Variants in GPR160 observed in about 807,000 individuals in gnomAD.
GPR160 encodes the protein probable G protein-coupled receptor 160.
GPR160 carries 2 observed loss-of-function variants against 2.6 expected under a neutral mutation model. That is an observed-to-expected ratio of 0.77 (90% CI 0.32 to 2.44). GPR160 has a LOEUF of 2.44. GPR160 is among the 30% of genes most tolerant of loss of function. GPR160 has a pLI of 0.11. For synonymous variants in GPR160, 130 were observed against 132.2 expected, an observed-to-expected ratio of 0.98 and a Z score of 0.12; for missense variants, 351 against 383.6, an observed-to-expected ratio of 0.91 and a Z score of 0.71.
intron 2 of GPR160, chr3:170,057,544 A>G (rs949373413): frequency 1.3e-5 from 2 of 152,380 alleles, no homozygotes; most frequent in East Asian, 3.9e-4. Flanking sequence ...AATTGGGAGA[A>G]TAACTAAGTT....
chr3:170,085,052 G>A lies in GPR160; in HGVS notation c.*63G>A, dbSNP rs142162073. 525 of 876,332 alleles carry A rather than the reference G, an allele frequency of 6.0e-4. 1 individual carries two copies. The highest frequency in any genetic ancestry group is 1.3e-3 in the Admixed American group (39 of 29,758). The allele number at this position is 876,332 out of a possible 1,614,324, so 54.3% of individuals were successfully genotyped here. ...AATTTTATGAACAGAAAGAACTCAG[G>A]ACATATTAAAAAATAAACTGAACTA... On this transcript the variant is annotated 3_prime_UTR_variant, in exon 4 of 4. Transcript: ENST00000355897.
intron 2 of GPR160, among the ~76,000 whole-genome samples, chr3:170,069,611 T>C (rs573569931): frequency 1.3e-5 from 2 of 152,124 alleles, no homozygotes; most frequent in African/African-American, 2.4e-5. Context: ...TATGAAAATT[T>C]TCAAACATAC....
rs373266341 is a variant in GPR160 at position 170,082,995 on chromosome 3, G to T, written c.-68-910G>T. On this transcript the variant is annotated intron_variant, in intron 3 of 3. Coordinates refer to ENST00000355897, the MANE Select transcript of GPR160 (RefSeq NM_014373.3). ...GGGGTTTTTTTTTTTTTTGGTTTTT[G>T]TTTTTGTTTTTTTGCTATTTATAAA... 1.2e-3 allele frequency among the ~76,000 whole-genome samples: 177 copies of T among 144,128 alleles called. 1 individual carries two copies. The highest frequency in any genetic ancestry group is 4.1e-3 in the African/African-American group (162 of 39,586). 94.6% of individuals were successfully genotyped at this position (144,128 alleles called of 152,430 possible).
chr3:170,050,624 C>T (rs1716916713), intron 2 of GPR160, among the ~76,000 whole-genome samples: 1 of 152,154 alleles, frequency 6.6e-6, no homozygotes, highest in African/African-American at 2.4e-5. Flanking sequence ...TCAGTTCCCA[C>T]CTGTAGCCCC....
At chr3:170,045,786 A>G (rs1716695273) in intron 2 of GPR160, among the ~76,000 whole-genome samples, 1 of 152,150 alleles carries the variant, frequency 6.6e-6, no homozygotes, top group Non-Finnish European at 1.5e-5. Context: ...GTTATTAGCC[A>G]GAGCAAACAG....
At chr3:170,057,331 T>G (rs1711697504) in intron 2 of GPR160, 1 of 152,212 alleles carries the variant, frequency 6.6e-6, no homozygotes, top group African/African-American at 2.4e-5. Flanking sequence ...TCATAGCCAG[T>G]GAAGTTTATC....
intron 2 of GPR160, among the ~76,000 whole-genome samples, chr3:170,066,947 GT>G (rs897118770): frequency 2.0e-5 from 3 of 152,062 alleles, no homozygotes; most frequent in Non-Finnish European, 4.4e-5. Flanking sequence ...AAATTTTGGG[GT>G]TTTGCCTATC....
At chr3:170,070,480 A>C (rs1232523724) in intron 2 of GPR160, among the ~76,000 whole-genome samples, 1 of 152,226 alleles carries the variant, frequency 6.6e-6, no homozygotes. Context: ...TTAGTACATC[A>C]GAGGTGGCAA....
chr3:170,055,665 C>T (rs866933080), intron 2 of GPR160, among the ~76,000 whole-genome samples: 10 of 151,820 alleles, frequency 6.6e-5, no homozygotes, highest in South Asian at 6.2e-4. Flanking sequence ...GACGGAGTCT[C>T]GCTCTGTCCC....
At position 170,038,354 on chromosome 3, in the gene GPR160, T is replaced by C. The variant is rs1317456093; in HGVS notation, c.-322+139T>C. On this transcript the variant is annotated intron_variant, in intron 1 of 3. Transcript: ENST00000355897. The surrounding 1 kb of genome is among the most constrained non-coding windows in gnomAD (Gnocchi z 5.3). ...CGCCTGGGAGGGGAAGGAATTTCCT[T>C]TGCAGGAACTCAGGGGCTGGGGGTT... 6.6e-6 allele frequency: 1 copy of C among 152,018 alleles called. No individual in the cohort carries two copies. Among genetic ancestry groups the C allele is most frequent in the Non-Finnish European group, 1.5e-5 (1 of 68,006 alleles). 9.4% of individuals were successfully genotyped at this position (152,018 alleles called of 1,614,324 possible). A position where few individuals can be genotyped will look rare whatever the true frequency, so the allele number is the denominator to read the frequency against.
Position 170,085,039 on chromosome 3 carries a change from A to C in GPR160, c.*50A>C, listed in dbSNP as rs753254990. The C allele has an allele frequency of 4.9e-6, 5 of 1,029,002 alleles. No individual in the cohort carries two copies. In the East Asian group the frequency reaches 1.3e-4, roughly 28 times the overall value. 63.7% of individuals were successfully genotyped at this position (1,029,002 alleles called of 1,614,324 possible). ...GTCATAAGATCATAATTTTATGAAC[A>C]GAAAGAACTCAGGACATATTAAAAA... On this transcript the variant is annotated 3_prime_UTR_variant, in exon 4 of 4. Coordinates refer to ENST00000355897, the MANE Select transcript of GPR160 (RefSeq NM_014373.3).
Position 170,085,131 on chromosome 3 carries a change from C to A in GPR160, c.*142C>A. 1 of 466,532 alleles carries A rather than the reference C, an allele frequency of 2.1e-6. No homozygotes were observed. The allele number at this position is 466,532 out of a possible 1,614,324, so 28.9% of individuals were successfully genotyped here. On this transcript the variant is annotated 3_prime_UTR_variant, in exon 4 of 4. Coordinates refer to ENST00000355897, the MANE Select transcript of GPR160 (RefSeq NM_014373.3). ...ATTTCAGAATGTGTCTTTTGAAGGG[C>A]TATGATACCAGTTATTAAATAGTGT... is the stretch of plus-strand genomic sequence containing the variant.
chr3:170,043,488 C>T (rs1413990283), intron 2 of GPR160, among the ~76,000 whole-genome samples: 2 of 152,136 alleles, frequency 1.3e-5, no homozygotes, highest in African/African-American at 2.4e-5. Context: ...GGCCCACACA[C>T]GTTTTTAATT....
chr3:170,042,535 G>T (rs1394795989), intron 2 of GPR160, among the ~76,000 whole-genome samples: 1 of 151,032 alleles, frequency 6.6e-6, no homozygotes, highest in Non-Finnish European at 1.5e-5. Context: ...CCAAAGAAAA[G>T]AGTTCATGGG....
intron 2 of GPR160, 87 bp downstream of exon 2, chr3:170,039,130 T>A (rs1716335124): frequency 6.6e-6 from 1 of 151,634 alleles, no homozygotes; most frequent in African/African-American, 2.4e-5. Flanking sequence ...GCTCTCAGGA[T>A]TGTTATTGCT....
At chr3:170,064,540 G>T (rs1288516414) in intron 2 of GPR160, among the ~76,000 whole-genome samples, 1 of 95,046 alleles carries the variant, frequency 1.1e-5, no homozygotes, top group African/African-American at 3.4e-5. Context: ...TTTTTTTGAG[G>T]CAGAGTCTCA....
chr3:170,084,962 A>G lies in GPR160; in HGVS notation c.990A>G (p.Glu330=). 1.3e-6 allele frequency: 2 copies of G among 1,564,208 alleles called. No individual in the cohort carries two copies. Among genetic ancestry groups the G allele is most frequent in the East Asian group, 4.5e-5 (2 of 44,528 alleles). Residue 330 remains glutamate, a synonymous_variant, in exon 4 of 4, where the codon GAA becomes GAG. Transcript: ENST00000355897. ...PLTIPNLEQI[E]KPISIMIC is the part of the protein sequence containing the mutation. Reference sequence around the variant, plus strand: ...CAATTCCTAATCTTGAGCAAATTGAAAAGCCTATATCAATAATGATTTGTT... The same window carrying G: ...CAATTCCTAATCTTGAGCAAATTGAGAAGCCTATATCAATAATGATTTGTT...
intron 3 of GPR160, among the ~76,000 whole-genome samples, chr3:170,083,026 C>T (rs568188772): frequency 2.0e-5 from 3 of 148,608 alleles, no homozygotes; most frequent in East Asian, 3.9e-4. Flanking sequence ...ATAAATACTG[C>T]GATTGAGTAG....
In GPR160 at chr3:170,038,218, G is replaced by T. The variant is rs978707021; in HGVS notation, c.-322+3G>T. On this transcript the variant is annotated splice_donor_region_variant and intron_variant, in intron 1 of 3. Transcript: ENST00000355897. This position sits in a 1 kb window ranked among gnomAD's most constrained non-coding sequence, Gnocchi z 5.3. ...AGCCGACAGCCATCGATCCTCGGGT[G>T]AGTGCGGGCGCAGGTGGAGGGCGCC... 6.6e-6 allele frequency: 1 copy of T among 152,126 alleles called. No homozygotes were observed. The highest frequency in any genetic ancestry group is 2.4e-5 in the African/African-American group (1 of 41,456). The allele number at this position is 152,126 out of a possible 1,614,324, so 9.4% of individuals were successfully genotyped here.
Sources: gnomAD v4.1 joint callset for allele counts (sites outside exome capture counted in the v4.1 genomes callset) on GRCh38, gnomAD v4.1.1 for gene constraint, Gnocchi (gnomAD v3.1) non-coding constraint, MANE v1.5 for transcripts, NCBI Gene and HGNC (gene_info 2026-07-23, HGNC 2026-07-21) for gene names.